Variants in GPHN observed in about 807,000 individuals in gnomAD.
The protein encoded by GPHN is gephyrin.
Under a neutral mutation model 95.5 loss-of-function variants are expected in GPHN, and 17 were observed. That is an observed-to-expected ratio of 0.18 (90% CI 0.12 to 0.27). The LOEUF (loss-of-function observed/expected upper bound fraction) is 0.27. Ranked by LOEUF, GPHN falls within the 10% of genes least tolerant of loss-of-function variation. The pLI, the probability that GPHN is intolerant of heterozygous loss-of-function variation, is 1.00. For synonymous variants in GPHN, 320 were observed against 322.5 expected, an observed-to-expected ratio of 0.99 and a Z score of 0.08; for missense variants, 660 against 978.1, an observed-to-expected ratio of 0.67 and a Z score of 4.34.
rs560968671 is a variant in GPHN at position 67,063,021 on chromosome 14, C to G, written c.1144+4235C>G. ...ATGCCTATGTCCTGAATGGTATTGC[C>G]TAGGTTTTCTTCTAGGATTTTTATG... On this transcript the variant is annotated intron_variant, in intron 11 of 22. Transcript: ENST00000478722. Among the ~76,000 whole-genome samples the G allele has an allele frequency of 2.6e-5, 4 of 152,230 alleles. No homozygotes were observed. The East Asian group carries it at 5.8e-4, about 22-fold the overall frequency.
At position 66,580,965 on chromosome 14, in the gene GPHN, A is replaced by C. The variant is rs182333858; in HGVS notation, c.64+72374A>C. On this transcript the variant is annotated intron_variant, in intron 1 of 22. Transcript: ENST00000478722. ...ATGAAAAACATCATACACCATGATC[A>C]AGCAGGATTTATTCCTGGGATGCAT... is the stretch of plus-strand genomic sequence containing the variant. Among the ~76,000 whole-genome samples, 263 of 151,994 alleles carry C rather than the reference A, an allele frequency of 1.7e-3. 1 individual carries two copies. Among genetic ancestry groups the C allele is most frequent in the African/African-American group, 6.0e-3 (251 of 41,546 alleles).
At chr14:67,234,538 T>TAGGAGAAGAGAA in the GPHN span, among the ~76,000 whole-genome samples, 1 of 152,082 alleles carries the variant, frequency 6.6e-6, no homozygotes, top group Non-Finnish European at 1.5e-5. Flanking sequence ...AGAAGAGACA[T>TAGGAGAAGAGAA]TAGAGTTCCA....
the GPHN span, among the ~76,000 whole-genome samples, chr14:67,365,738 G>C: frequency 6.6e-6 from 1 of 152,144 alleles, no homozygotes; most frequent in Admixed American, 6.5e-5. Flanking sequence ...TTACCATCAT[G>C]TCCGAAAGGC....
At chr14:66,679,230 A>G (rs2066798710) in intron 1 of GPHN, among the ~76,000 whole-genome samples, 1 of 152,204 alleles carries the variant, frequency 6.6e-6, no homozygotes, top group Non-Finnish European at 1.5e-5. Context: ...AAACTTTTGG[A>G]TTCAATTTAT....
At chr14:66,961,922 A>G (rs1247014262) in intron 8 of GPHN, among the ~76,000 whole-genome samples, 4 of 69,804 alleles carry the variant, frequency 5.7e-5, no homozygotes, top group African/African-American at 1.1e-4. Context: ...ATATATATAT[A>G]TATATATATA....
intron 12 of GPHN, among the ~76,000 whole-genome samples, chr14:67,091,354 T>A (rs1179497544): frequency 1.6e-4 from 24 of 152,016 alleles, no homozygotes; most frequent in Admixed American, 1.6e-3. Flanking sequence ...TATTTTATTC[T>A]TGTGATAGCT....
chr14:66,985,821 G>T, intron 9 of GPHN: 1 of 681,498 alleles, frequency 1.5e-6, no homozygotes, highest in Non-Finnish European at 2.4e-6. Context: ...GGGAGGAAGG[G>T]GGCTTTTTCC....
chr14:66,620,967 A>C (rs1423168569), intron 1 of GPHN, among the ~76,000 whole-genome samples: 1 of 152,026 alleles, frequency 6.6e-6, no homozygotes, highest in Non-Finnish European at 1.5e-5. Context: ...CAGGGCTATC[A>C]AATCTTTTTT....
chr14:66,767,755 AG>A (rs1435401835), intron 2 of GPHN, among the ~76,000 whole-genome samples: 1 of 152,012 alleles, frequency 6.6e-6, no homozygotes, highest in South Asian at 2.1e-4. Flanking sequence ...TCCAAGCCAC[AG>A]TTAAATAGCA....
the GPHN span, among the ~76,000 whole-genome samples, chr14:67,189,944 G>T: frequency 4.3e-4 from 63 of 147,932 alleles, no homozygotes; most frequent in African/African-American, 1.5e-3. Flanking sequence ...GGGTTCAAGT[G>T]ATTCTCCTGC....
the GPHN span, among the ~76,000 whole-genome samples, chr14:67,718,282 T>C: frequency 1.3e-5 from 2 of 152,112 alleles, no homozygotes; most frequent in African/African-American, 4.8e-5. Flanking sequence ...AATATGTGAT[T>C]TGAAGAATAG....
Position 66,749,915 on chromosome 14 carries a change from C to T in GPHN, c.144-26549C>T, listed in dbSNP as rs77314580. ...GATTCATGAGATATTTAGATATAGG[C>T]ATACAATGCGTAATTGTCACATCAG... On this transcript the variant is annotated intron_variant, in intron 2 of 22. Transcript: ENST00000478722. Among the ~76,000 whole-genome samples, 555 of 151,772 alleles carry T rather than the reference C, an allele frequency of 3.7e-3. 12 individuals are homozygous for T. The highest frequency in any genetic ancestry group is 0.013 in the African/African-American group (529 of 41,446).
At chr14:67,208,264 G>C in the GPHN span, 2 of 1,613,888 alleles carry the variant, frequency 1.2e-6, no homozygotes, top group South Asian at 2.2e-5. Context: ...AGAGTGAGTT[G>C]AAAGAATCCT....
chr14:67,562,146 T>G, the GPHN span: 2 of 1,611,542 alleles, frequency 1.2e-6, no homozygotes, highest in Non-Finnish European at 1.7e-6. Flanking sequence ...GCTATTCAGA[T>G]AGCTCCTTCA....
At chr14:67,136,550 A>G (rs1178274101) in intron 17 of GPHN, among the ~76,000 whole-genome samples, 2 of 152,200 alleles carry the variant, frequency 1.3e-5, no homozygotes, top group African/African-American at 2.4e-5. Flanking sequence ...AATTCTTAGA[A>G]TCAGTGAATG....
chr14:67,424,104 G>T, the GPHN span, among the ~76,000 whole-genome samples: 1 of 152,034 alleles, frequency 6.6e-6, no homozygotes, highest in Non-Finnish European at 1.5e-5. Flanking sequence ...GCCAAGCCTG[G>T]TGGCAGGTGC....
At chr14:67,198,338 C>T in the GPHN span, 9 of 1,602,594 alleles carry the variant, frequency 5.6e-6, no homozygotes, top group Non-Finnish European at 5.1e-6. Flanking sequence ...ATATTCAAGG[C>T]CTGAGTTAAG....
chr14:67,361,437 A>G, the GPHN span, among the ~76,000 whole-genome samples: 5 of 152,246 alleles, frequency 3.3e-5, no homozygotes, highest in African/African-American at 7.2e-5. Flanking sequence ...TTTTTCAACT[A>G]TAATGATGAA....
At chr14:67,664,257 T>C in the GPHN span, among the ~76,000 whole-genome samples, 2 of 152,190 alleles carry the variant, frequency 1.3e-5, no homozygotes, top group Non-Finnish European at 2.9e-5. Context: ...TTGTTTATCC[T>C]CTCAAACTGA....
Sources: allele counts gnomAD v4.1 joint callset (sites outside exome capture counted in the v4.1 genomes callset), GRCh38; gene constraint gnomAD v4.1.1; transcripts MANE v1.5; gene names NCBI Gene and HGNC (gene_info 2026-07-23, HGNC 2026-07-21).